DLGAP2: variants seen among roughly 807,000 people sequenced by gnomAD.
The protein encoded by DLGAP2 is DLG associated protein 2.
In DLGAP2, 26 loss-of-function variants were observed where a neutral mutation model predicts 100.3. The ratio of observed to expected loss-of-function variants is 0.26; its 90% confidence interval spans 0.19 to 0.36. The LOEUF (loss-of-function observed/expected upper bound fraction) is 0.36. Among genes scored for constraint, DLGAP2 ranks in the 10% least tolerant of loss-of-function variants. The pLI, the probability that DLGAP2 is intolerant of heterozygous loss-of-function variation, is 1.00. For missense variants in DLGAP2, 1,858 were observed against 1,453.2 expected, an observed-to-expected ratio of 1.28 and a Z score of -4.53; for synonymous variants, 886 against 630.1, an observed-to-expected ratio of 1.41 and a Z score of -6.08.
chr8:1,409,091 C>T (rs926467083), intron 3 of DLGAP2, among the ~76,000 whole-genome samples: 1 of 151,620 alleles, frequency 6.6e-6, no homozygotes, highest in Non-Finnish European at 1.5e-5. Context: ...GCCCGGCTCC[C>T]CTTGGACCAC....
At chr8:1,115,935 A>T (rs1805101436) in intron 2 of DLGAP2, among the ~76,000 whole-genome samples, 1 of 152,172 alleles carries the variant, frequency 6.6e-6, no homozygotes, top group African/African-American at 2.4e-5. Flanking sequence ...TGGGCCTGGA[A>T]TCTTCTAGAA....
At chr8:1,112,237 A>ATTTTTTTT (rs4044488) in intron 2 of DLGAP2, among the ~76,000 whole-genome samples, 2 of 98,034 alleles carry the variant, frequency 2.0e-5, no homozygotes, top group Non-Finnish European at 3.8e-5. Context: ...TCCTTTGCCC[A>ATTTTTTTT]TTTTTTTTTT....
chr8:847,027 T>C (rs529729356), intron 1 of DLGAP2, among the ~76,000 whole-genome samples: 5 of 152,382 alleles, frequency 3.3e-5, no homozygotes, highest in Non-Finnish European at 7.3e-5. Flanking sequence ...TGCTTTTGAT[T>C]ACTGTGGAAT....
chr8:916,914 A>G (rs1205365266), intron 2 of DLGAP2, among the ~76,000 whole-genome samples: 2 of 152,148 alleles, frequency 1.3e-5, no homozygotes, highest in East Asian at 1.9e-4. Context: ...GATGCCCGGG[A>G]GGGCACACCC....
chr8:1,086,181 T>C (rs984521987), intron 2 of DLGAP2, among the ~76,000 whole-genome samples: 4 of 152,220 alleles, frequency 2.6e-5, no homozygotes, highest in African/African-American at 9.6e-5. Flanking sequence ...TGTAGGGTTT[T>C]CTATATATAA....
intron 2 of DLGAP2, among the ~76,000 whole-genome samples, chr8:1,004,217 T>C (rs932442105): frequency 3.9e-5 from 6 of 152,242 alleles, no homozygotes; most frequent in African/African-American, 1.4e-4. Context: ...GTTGTAGACT[T>C]GCAATACACA....
At chr8:1,691,076 G>A (rs955281642) in intron 12 of DLGAP2, among the ~76,000 whole-genome samples, 3 of 152,174 alleles carry the variant, frequency 2.0e-5, no homozygotes, top group South Asian at 4.1e-4. Context: ...AATCCAATGA[G>A]AGAACCCATA....
chr8:1,598,658 G>A (rs1304251442), intron 6 of DLGAP2, among the ~76,000 whole-genome samples: 1 of 152,138 alleles, frequency 6.6e-6, no homozygotes, highest in East Asian at 1.9e-4. Context: ...GTGTAGAGGT[G>A]TTTATAGTGT....
At chr8:1,419,615 C>T (rs1362535756) in intron 3 of DLGAP2, among the ~76,000 whole-genome samples, 1 of 152,190 alleles carries the variant, frequency 6.6e-6, no homozygotes, top group East Asian at 1.9e-4. Flanking sequence ...CAGTATCCAG[C>T]ATCGCATCAC....
intron 3 of DLGAP2, among the ~76,000 whole-genome samples, chr8:1,466,148 A>G (rs1371357445): frequency 1.3e-5 from 2 of 152,190 alleles, no homozygotes; most frequent in Admixed American, 1.3e-4. Context: ...GGTTGAAGTC[A>G]AGTGTGCTCT....
At chr8:1,082,501 C>A (rs1803845521) in intron 2 of DLGAP2, among the ~76,000 whole-genome samples, 1 of 152,206 alleles carries the variant, frequency 6.6e-6, no homozygotes, top group African/African-American at 2.4e-5. Flanking sequence ...ATAGCAAACT[C>A]ATGCACAATT....
At chr8:1,053,057 A>G (rs2701909) in intron 2 of DLGAP2, among the ~76,000 whole-genome samples, 65,758 of 152,112 alleles carry the variant, frequency 0.43, 14,562 homozygotes, top group African/African-American at 0.52. Context: ...TTGAATTTAC[A>G]TGTGGAGTAA....
intron 3 of DLGAP2, among the ~76,000 whole-genome samples, chr8:1,334,376 T>C (rs1801224616): frequency 6.6e-6 from 1 of 152,132 alleles, no homozygotes; most frequent in South Asian, 2.1e-4. Flanking sequence ...AAAAATGACA[T>C]CAACAAAACC....
chr8:1,561,218 G>A (rs1055596203), intron 5 of DLGAP2, among the ~76,000 whole-genome samples: 3 of 152,256 alleles, frequency 2.0e-5, no homozygotes, highest in Non-Finnish European at 4.4e-5. Flanking sequence ...CCCCAGCCAC[G>A]TGGAACTGAG....
intron 8 of DLGAP2, among the ~76,000 whole-genome samples, chr8:1,650,986 G>T (rs889353896): frequency 2.0e-5 from 3 of 152,196 alleles, no homozygotes; most frequent in Non-Finnish European, 4.4e-5. Context: ...TGCTTCTCAT[G>T]TCTGCCTCCA....
At chr8:1,235,301 CAT>C (rs1164243094) in intron 2 of DLGAP2, among the ~76,000 whole-genome samples, 4 of 151,416 alleles carry the variant, frequency 2.6e-5, no homozygotes, top group East Asian at 2.0e-4. Flanking sequence ...TTCCCTCACA[CAT>C]GGCATCGTGT....
At chr8:1,078,935 G>A (rs1205329193) in intron 2 of DLGAP2, among the ~76,000 whole-genome samples, 1 of 152,178 alleles carries the variant, frequency 6.6e-6, no homozygotes, top group Non-Finnish European at 1.5e-5. Context: ...TACAGTTACT[G>A]GATTGTCTAG....
Position 802,099 on chromosome 8 carries a change from ATGGTC to A in DLGAP2, c.18+64275_18+64279del, listed in dbSNP as rs1563039247. ...GCCCTCCGTCCTCACGGCCTGGGGA[ATGGTC>A]CACACACCTCCTGGGCCCTCCGTCC... On this transcript the variant is annotated intron_variant, in intron 1 of 14. Coordinates refer to ENST00000637795, the MANE Select transcript of DLGAP2 (RefSeq NM_001346810.2). Among the ~76,000 whole-genome samples, 414 of 134,362 alleles carry A rather than the reference ATGGTC, an allele frequency of 3.1e-3. 2 individuals carry two copies. Among genetic ancestry groups the A allele is most frequent in the East Asian group, 0.02 (76 of 3,790 alleles). 88.1% of individuals were successfully genotyped at this position (134,362 alleles called of 152,430 possible). A position where few individuals can be genotyped will look rare whatever the true frequency, so the allele number is the denominator to read the frequency against.
At chr8:1,210,908 G>C (rs570607167) in intron 2 of DLGAP2, among the ~76,000 whole-genome samples, 1 of 152,246 alleles carries the variant, frequency 6.6e-6, no homozygotes, top group East Asian at 1.9e-4. Context: ...GTCCCTCCCA[G>C]GACGCTGCCC....
Sources: gnomAD v4.1 joint callset for allele counts (sites outside exome capture counted in the v4.1 genomes callset) on GRCh38, gnomAD v4.1.1 for gene constraint, MANE v1.5 for transcripts, NCBI Gene and HGNC (gene_info 2026-07-23, HGNC 2026-07-21) for gene names.